The following SYNE1 variants were observed in gnomAD, a reference collection of about 807,000 sequenced individuals.
SYNE1 encodes the protein nesprin-1.
Under a neutral mutation model 1,111.0 loss-of-function variants are expected in SYNE1, and 616 were observed. The observed-to-expected ratio is 0.55, with a 90% confidence interval of 0.52 to 0.59. The LOEUF (loss-of-function observed/expected upper bound fraction) is 0.59, where lower values mean the gene tolerates loss of function less well. Ranked by LOEUF, SYNE1 falls within the 20% of genes least tolerant of loss-of-function variation. The probability of loss-of-function intolerance (pLI) is 0.00; values close to 1 mark genes in which losing one functional copy is unlikely to be tolerated. For missense variants in SYNE1, 10,006 were observed against 10,417.0 expected (o/e 0.96, Z 1.72); for synonymous variants, 3,855 against 3,825.8 (o/e 1.01, Z -0.28).
At position 152,219,019 on chromosome 6, in the gene SYNE1, T is replaced by G; in HGVS notation, c.22028A>C (p.Gln7343Pro). ...LCALEQALCKQQTSLQAGVLD... is the reference protein window; with the variant it reads ...LCALEQALCKPQTSLQAGVLD... ...GCTCTGTACCTGTAATGAAGTCTGCTGTTTGCAGAGAGCTTGCTCCAGGGC... is the reference window on the plus strand; with the variant it reads ...GCTCTGTACCTGTAATGAAGTCTGCGGTTTGCAGAGAGCTTGCTCCAGGGC... The change falls in exon 120 of 146, where the codon CAG (glutamine) becomes CCG (proline). Residue 7343 changes from glutamine (Q) to proline (P), a missense_variant. Gln to Pro is a moderately conservative substitution (Grantham distance 76). Transcript: ENST00000367255. The G allele has an allele frequency of 6.2e-7, 1 of 1,614,084 alleles. No individual in the cohort carries two copies. The highest frequency in any genetic ancestry group is 1.7e-5 in the Admixed American group (1 of 60,020).
At position 152,206,069 on chromosome 6, in the gene SYNE1, CA is replaced by C. The variant is rs2076448147; in HGVS notation, c.23019+98del. The C allele has an allele frequency of 2.5e-6, 3 of 1,188,824 alleles. No homozygotes were observed. In the South Asian group the frequency reaches 3.9e-5, roughly 15 times the overall value. The allele number at this position is 1,188,824 out of a possible 1,614,324, so 73.6% of individuals were successfully genotyped here. On this transcript the variant is annotated intron_variant, in intron 126 of 145. Transcript: ENST00000367255. ...ATCAAAATACTGCAGGGTATTATTT[CA>C]TGATCTTTGCATTATTTGATTTGTA...
At chr6:152,290,786 T>C (rs1007900045) in intron 95 of SYNE1, among the ~76,000 whole-genome samples, 1 of 152,096 alleles carries the variant, frequency 6.6e-6, no homozygotes. Flanking sequence ...CTCACACCCA[T>C]TCAGTTGAAA....
chr6:152,295,356 C>T (rs1212186654), intron 93 of SYNE1, among the ~76,000 whole-genome samples: 1 of 152,178 alleles, frequency 6.6e-6, no homozygotes, highest in Non-Finnish European at 1.5e-5. Flanking sequence ...AACCCTGTCA[C>T]TGTCTTGAGT....
intron 131 of SYNE1, among the ~76,000 whole-genome samples, chr6:152,163,727 G>A (rs1224761225): frequency 6.6e-6 from 1 of 152,056 alleles, no homozygotes; most frequent in Non-Finnish European, 1.5e-5. Context: ...AAAATTCTAA[G>A]TATGCCTTGT....
In SYNE1 at chr6:152,244,566, G is replaced by C. The variant is rs202133252; in HGVS notation, c.19663C>G (p.Pro6555Ala). Residue 6555 changes from proline (P) to alanine (A), a missense_variant, in exon 106 of 146, where the codon CCG (proline) becomes GCG (alanine). Pro to Ala is a conservative substitution (Grantham distance 27). Coordinates refer to ENST00000367255, the MANE Select transcript of SYNE1 (RefSeq NM_182961.4). ...RRGDKLQVEQ[P>A]SMQELSKLQD... The stretch of plus-strand genomic sequence containing the variant: ...AGCTTGGAGAGTTCTTGCATGGACG[G>C]CTGCTCGACCTGTAGCTTGTCACCA... 2.6e-5 allele frequency: 42 copies of C among 1,614,072 alleles called. No homozygotes were observed. Among genetic ancestry groups the C allele is most frequent in the Admixed American group, 8.3e-5 (5 of 60,014 alleles).
At chr6:152,183,188 G>A (rs2068626924) in intron 128 of SYNE1, among the ~76,000 whole-genome samples, 1 of 152,166 alleles carries the variant, frequency 6.6e-6, no homozygotes, top group South Asian at 2.1e-4. Context: ...GAACTCTCTG[G>A]TGAATACGGC....
At chr6:152,449,821 G>A (rs377327140) in intron 27 of SYNE1, among the ~76,000 whole-genome samples, 180 bp from the exon 28 acceptor site, 9 of 152,150 alleles carry the variant, frequency 5.9e-5, no homozygotes, top group African/African-American at 1.9e-4. Context: ...AGGGGTGGCC[G>A]CCTCTATGCT....
Position 152,262,163 on chromosome 6 carries a change from C to G in SYNE1, c.18841G>C (p.Glu6281Gln). 6.2e-7 allele frequency: 1 copy of G among 1,613,818 alleles called. No homozygotes were observed. The highest frequency in any genetic ancestry group is 8.5e-7 in the Non-Finnish European group (1 of 1,179,924). Residue 6281 changes from glutamate (E) to glutamine (Q), a missense_variant, in exon 101 of 146, where the codon GAG becomes CAG. Physicochemically the swap from Glu to Gln is conservative, Grantham distance 29. This residue lies in a region of SYNE1 where 2,182 missense variants were observed against 2,287.8 expected (regional missense o/e 0.95). Coordinates refer to ENST00000367255, the MANE Select transcript of SYNE1 (RefSeq NM_182961.4). Reference protein sequence around the residue: ...AGEKPDVLSQELGMEGEKSSA... With the variant: ...AGEKPDVLSQQLGMEGEKSSA... Reference sequence around the variant, plus strand: ...GATTTCTCCCCTTCCATCCCCAACTCCTGGGATAACACATCAGGTTTTTCG... The same window carrying G: ...GATTTCTCCCCTTCCATCCCCAACTGCTGGGATAACACATCAGGTTTTTCG...
chr6:152,615,022 C>T lies in SYNE1; in HGVS notation c.67+13243G>A, dbSNP rs2099641878. ...AGGAGGGATAGCATTAGGAGAAATACCTAATGTAAATGACAAGTTGATGGG... is the reference window on the plus strand; with the variant it reads ...AGGAGGGATAGCATTAGGAGAAATATCTAATGTAAATGACAAGTTGATGGG... On this transcript the variant is annotated intron_variant, in intron 3 of 145. Coordinates refer to ENST00000367255, the MANE Select transcript of SYNE1 (RefSeq NM_182961.4). Among the ~76,000 whole-genome samples the T allele has an allele frequency of 2.0e-5, 3 of 152,166 alleles. No individual in the cohort carries two copies. The South Asian group carries it at 6.2e-4, about 32-fold the overall frequency.
In SYNE1 at chr6:152,436,012, C is replaced by T. The variant is rs895948901; in HGVS notation, c.4239G>A (p.Lys1413=). The T allele has an allele frequency of 6.2e-7, 1 of 1,614,108 alleles. No homozygotes were observed. The highest frequency in any genetic ancestry group is 8.5e-7 in the Non-Finnish European group (1 of 1,180,008). ...ACTTGGCCTGCTGTTGAAGCAGCTG[C>T]TTATTTTGGGGCCCAAGCGGTATCT... is the stretch of plus-strand genomic sequence containing the variant. ...ASEIPLGPQN[K]QLLQQQAKSI... The change falls in exon 33 of 146, where the codon AAG becomes AAA. Residue 1413 remains lysine, a synonymous_variant. Transcript: ENST00000367255.
chr6:152,130,461 A>T (rs1258998184), intron 145 of SYNE1, among the ~76,000 whole-genome samples: 1 of 152,212 alleles, frequency 6.6e-6, no homozygotes, highest in Non-Finnish European at 1.5e-5. Context: ...CTTATTGACA[A>T]TTTGATGAAA....
chr6:152,363,024 G>GC (rs932894463), intron 63 of SYNE1, among the ~76,000 whole-genome samples: 13 of 151,054 alleles, frequency 8.6e-5, no homozygotes, highest in African/African-American at 3.1e-4. Context: ...GGGACTACAT[G>GC]CCCCCGCCAC....
intron 39 of SYNE1, among the ~76,000 whole-genome samples, chr6:152,424,911 A>G (rs993602868): frequency 1.3e-5 from 2 of 152,228 alleles, no homozygotes; most frequent in Non-Finnish European, 2.9e-5. Flanking sequence ...GCCAATTGTT[A>G]ATCACCTAGT....
At chr6:152,519,346 C>G (rs1439898225) in intron 6 of SYNE1, among the ~76,000 whole-genome samples, 1 of 151,884 alleles carries the variant, frequency 6.6e-6, no homozygotes, top group Non-Finnish European at 1.5e-5. Context: ...TTAAGAAAAA[C>G]CTGGAATATC....
intron 3 of SYNE1, among the ~76,000 whole-genome samples, chr6:152,571,894 A>AT (rs941675399): frequency 1.3e-5 from 2 of 152,180 alleles, no homozygotes; most frequent in African/African-American, 4.8e-5. Flanking sequence ...TTTTCAATGC[A>AT]TTTTTTAAAT....
At chr6:152,363,450 T>C (rs144444583) in intron 63 of SYNE1, among the ~76,000 whole-genome samples, 15,388 of 150,502 alleles carry the variant, frequency 0.1, 1,109 homozygotes, top group Non-Finnish European at 0.13. Flanking sequence ...GCCGAGATCG[T>C]GCCACTGCAC....
intron 3 of SYNE1, among the ~76,000 whole-genome samples, chr6:152,621,692 T>A (rs1334875143): frequency 1.3e-5 from 2 of 151,984 alleles, no homozygotes; most frequent in African/African-American, 4.8e-5. Context: ...GCGCGATGGA[T>A]GAAATAGGTT....
chr6:152,618,147 T>C (rs1565223534), intron 3 of SYNE1, among the ~76,000 whole-genome samples: 2 of 152,296 alleles, frequency 1.3e-5, no homozygotes, highest in East Asian at 3.9e-4. Flanking sequence ...ATTCCTACGT[T>C]TCTGGATGTA....
intron 107 of SYNE1, among the ~76,000 whole-genome samples, chr6:152,241,500 C>CTGTGTGTGTGTGTGTGTGTGTGTGTGTG (rs1231628952): frequency 1.8e-4 from 13 of 74,174 alleles, no homozygotes; most frequent in South Asian, 4.3e-4. Flanking sequence ...AATGCAAGAG[C>CTGTGTGTGTGTGTGTGTGTGTGTGTGTG]TGTGTGTGTG....
Sources: gnomAD v4.1 joint callset for allele counts (sites outside exome capture counted in the v4.1 genomes callset) on GRCh38, gnomAD v4.1.1 for gene constraint, gnomAD v4.1.1 regional missense constraint, MANE v1.5 for transcripts, NCBI Gene and HGNC (gene_info 2026-07-23, HGNC 2026-07-21) for gene names.